Variants in CDK12 observed in about 807,000 individuals in gnomAD.
CDK12 encodes cyclin dependent kinase 12, also known as cyclin-dependent kinase 12.
CDK12 carries 17 observed loss-of-function variants against 133.8 expected under a neutral mutation model. That is an observed-to-expected ratio of 0.13 (90% CI 0.09 to 0.19). The LOEUF is 0.19. Ranked by LOEUF, CDK12 falls within the 10% of genes least tolerant of loss-of-function variation. The probability of loss-of-function intolerance (pLI) is 1.00; values close to 1 mark genes in which losing one functional copy is unlikely to be tolerated. For missense variants in CDK12, 1,508 were observed against 1,818.7 expected, an observed-to-expected ratio of 0.83 and a Z score of 3.11; for synonymous variants, 694 against 683.6, an observed-to-expected ratio of 1.02 and a Z score of -0.24.
chr17:39,462,577 G>A lies in CDK12; in HGVS notation c.506G>A (p.Ser169Asn). The change falls in exon 1 of 14, where the codon AGC (serine) becomes AAC (asparagine). Residue 169 changes from serine to asparagine, a missense_variant. By Grantham distance (46) the Ser-to-Asn change is conservative (BLOSUM62 1). Transcript: ENST00000447079. ...TATGGGAAGGCGCAGGTAGCCAAAAGCAGCAGCAAGGAATCCAGGTCATCC... is the reference window on the plus strand; with the variant it reads ...TATGGGAAGGCGCAGGTAGCCAAAAACAGCAGCAAGGAATCCAGGTCATCC... ...DDYGKAQVAK[S>N]SSKESRSSKL... 1 of 1,614,148 alleles carries A rather than the reference G, an allele frequency of 6.2e-7. No individual in the cohort carries two copies. Among genetic ancestry groups the A allele is most frequent in the South Asian group, 1.1e-5 (1 of 91,088 alleles).
chr17:39,561,279 T>C (rs2056364497), intron 3 of CDK12, among the ~76,000 whole-genome samples: 1 of 152,214 alleles, frequency 6.6e-6, no homozygotes, highest in South Asian at 2.1e-4. Context: ...GTGAGCTCTC[T>C]ATTCTGAGGG....
In CDK12 at chr17:39,493,166, G is replaced by GT. The variant is rs201228796; in HGVS notation, c.2248+292dup. On this transcript the variant is annotated intron_variant, in intron 4 of 13. Transcript: ENST00000447079. ...GCGCAACCACACTCGACTAATTTTT[G>GT]TTTTTTTTTTTTTTTTAGTAGAAAC... Among the ~76,000 whole-genome samples, 786 of 132,468 alleles carry GT rather than the reference G, an allele frequency of 5.9e-3. 22 individuals carry two copies. Among genetic ancestry groups the GT allele is most frequent in the East Asian group, 0.025 (111 of 4,452 alleles). The allele number at this position is 132,468 out of a possible 152,430, so 86.9% of individuals were successfully genotyped here.
At chr17:39,564,232 C>G (rs562816701) in intron 3 of CDK12, among the ~76,000 whole-genome samples, 2 of 152,284 alleles carry the variant, frequency 1.3e-5, no homozygotes, top group Admixed American at 1.3e-4. Flanking sequence ...GCACTACCCC[C>G]CAACCTTTCT....
intron 2 of CDK12, among the ~76,000 whole-genome samples, chr17:39,555,450 G>A (rs2144377043): frequency 6.6e-6 from 1 of 151,756 alleles, no homozygotes; most frequent in East Asian, 2.0e-4. Flanking sequence ...GATGGCTTTG[G>A]TTAGAAAAAG....
At chr17:39,510,112 C>T (rs969886037) in intron 7 of CDK12, among the ~76,000 whole-genome samples, 4 of 143,502 alleles carry the variant, frequency 2.8e-5, no homozygotes, top group Admixed American at 1.4e-4. Flanking sequence ...AACAATCTCT[C>T]TCTTTTTTTT....
chr17:39,538,254 G>A (rs1012697334), downstream of CDK12, among the ~76,000 whole-genome samples: 3 of 152,232 alleles, frequency 2.0e-5, no homozygotes, highest in African/African-American at 7.2e-5. Flanking sequence ...CAAAACTCCT[G>A]CAAGTGGTTT....
chr17:39,488,535 G>T (rs941530638), intron 2 of CDK12, among the ~76,000 whole-genome samples: 1 of 151,632 alleles, frequency 6.6e-6, no homozygotes, highest in South Asian at 2.1e-4. Context: ...AAATATCTTC[G>T]GCAATTTATA....
chr17:39,471,650 G>A lies in CDK12; in HGVS notation c.1818G>A (p.Gln606=). ...SSQANSQPPV[Q]VSVKTQVSVT... is the part of the protein sequence containing the mutation. ...AGGCAAATTCTCAGCCCCCTGTACA[G>A]GTTTCTGTGAAGACTCAAGTATCTG... The change falls in exon 2 of 14, where the codon CAG becomes CAA. Residue 606 remains glutamine (Q), a synonymous_variant. Transcript: ENST00000447079. 2 of 1,614,098 alleles carry A rather than the reference G, an allele frequency of 1.2e-6. No homozygotes were observed. Among genetic ancestry groups the A allele is most frequent in the Non-Finnish European group, 1.7e-6 (2 of 1,180,010 alleles).
At chr17:39,492,977 C>A in intron 4 of CDK12, 87 bp downstream of exon 4, 1 of 1,186,948 alleles carries the variant, frequency 8.4e-7, no homozygotes, top group Non-Finnish European at 1.2e-6. Context: ...AAAGTAAATT[C>A]TGAGGTGTTT....
chr17:39,524,801 A>G lies in CDK12; in HGVS notation c.3223A>G (p.Ser1075Gly), dbSNP rs1336513968. The G allele has an allele frequency of 3.7e-6, 6 of 1,614,240 alleles. No homozygotes were observed. Among genetic ancestry groups the G allele is most frequent in the Middle Eastern group, 3.3e-4 (2 of 6,062 alleles). Residue 1075 changes from serine to glycine, a missense_variant, in exon 12 of 14, where the codon AGT becomes GGT. Around this residue, in one of 9 missense-constraint regions of CDK12, gnomAD observed 399 missense variants for 469.6 expected, o/e 0.85. Coordinates refer to ENST00000447079, the MANE Select transcript of CDK12 (RefSeq NM_016507.4). ...TCGAAAAGAAACTACCTCAGGGACAAGTACTGAGCCTGTGAAGAACAGCAG... is the reference window on the plus strand; with the variant it reads ...TCGAAAAGAAACTACCTCAGGGACAGGTACTGAGCCTGTGAAGAACAGCAG... ...TSRKETTSGT[S>G]TEPVKNSSPA...
chr17:39,531,293 A>AG lies in CDK12; in HGVS notation c.4451dup (p.Gly1485ArgfsTer28). On this transcript the variant is annotated frameshift_variant, in exon 14 of 14. Coordinates refer to ENST00000447079, the MANE Select transcript of CDK12 (RefSeq NM_016507.4). LOFTEE classifies it high-confidence loss of function. ...TACAAGAGTCCCACCAAGAGGGGGA[A>AG]GAGGGAGAGGAGTTCCTTACTAACC... 1 of 1,494,102 alleles carries AG rather than the reference A, an allele frequency of 6.7e-7. No individual in the cohort carries two copies. 92.6% of individuals were successfully genotyped at this position (1,494,102 alleles called of 1,614,324 possible). A position where few individuals can be genotyped will look rare whatever the true frequency, so the allele number is the denominator to read the frequency against.
Position 39,517,535 on chromosome 17 carries a change from G to A in CDK12, c.2942G>A (p.Arg981His), listed in dbSNP as rs1220664561. 7.5e-6 allele frequency: 12 copies of A among 1,603,272 alleles called. No homozygotes were observed. Among genetic ancestry groups the A allele is most frequent in the Non-Finnish European group, 1.0e-5 (12 of 1,170,236 alleles). Reference protein sequence around the residue: ...TMKPKKQYRRRLREEFSFIPS... With the variant: ...TMKPKKQYRRHLREEFSFIPS... ...AAACCGAAGAAGCAATATCGAAGGC[G>A]TCTACGAGAAGAATTCTCTTTGTGA... The change falls in exon 10 of 14, where the codon CGT becomes CAT. Residue 981 changes from arginine (R) to histidine (H), a missense_variant. Transcript: ENST00000447079.
chr17:39,491,825 A>C (rs1300728864), intron 3 of CDK12, among the ~76,000 whole-genome samples: 1 of 150,808 alleles, frequency 6.6e-6, no homozygotes. Context: ...TTTAGTAAAA[A>C]ATGTATAAAA....
Position 39,511,605 on chromosome 17 carries a change from C to A in CDK12, c.2743C>A (p.Pro915Thr). The A allele has an allele frequency of 6.2e-7, 1 of 1,611,782 alleles. No individual in the cohort carries two copies. Residue 915 changes from proline (P) to threonine (T), a missense_variant, in exon 8 of 14, where the codon CCA becomes ACA. Pro to Thr is a conservative substitution (Grantham distance 38, BLOSUM62 -1). Transcript: ENST00000447079. ...ACTGCTAGGAGAGGAACGTTACACA[C>A]CAGCCATAGATGTTTGGAGCTGTGG... ...ELLLGEERYT[P>T]AIDVWSCGCI... is the part of the protein sequence containing the mutation.
chr17:39,498,945 T>C (rs1485647839), intron 5 of CDK12, among the ~76,000 whole-genome samples: 1 of 34 alleles, frequency 0.029, no homozygotes. Context: ...CTTTCTTTCT[T>C]TCTTTCTTTC....
intron 4 of CDK12, among the ~76,000 whole-genome samples, chr17:39,493,166 GTT>G (rs201228796): frequency 1.5e-5 from 2 of 132,512 alleles, no homozygotes; most frequent in African/African-American, 2.9e-5. Context: ...ACTAATTTTT[GTT>G]TTTTTTTTTT....
At chr17:39,497,881 G>A (rs577071000) in intron 5 of CDK12, among the ~76,000 whole-genome samples, 61 of 151,782 alleles carry the variant, frequency 4.0e-4, no homozygotes, top group African/African-American at 1.4e-3. Flanking sequence ...CTGGGATTAC[G>A]AACTTGGGCC....
chr17:39,515,455 T>C (rs1391617169), intron 8 of CDK12, among the ~76,000 whole-genome samples: 2 of 152,188 alleles, frequency 1.3e-5, no homozygotes, highest in Non-Finnish European at 2.9e-5. Flanking sequence ...TTTCCTTAAT[T>C]ACAATGGCAT....
At chr17:39,515,915 C>A in intron 9 of CDK12, 107 bp downstream of exon 9, 2 of 679,622 alleles carry the variant, frequency 2.9e-6, no homozygotes, top group Admixed American at 2.9e-5. Context: ...TTCTTATGTC[C>A]AAGTAAGTTT....
Sources: gnomAD v4.1 joint callset for allele counts (sites outside exome capture counted in the v4.1 genomes callset) on GRCh38, gnomAD v4.1.1 for gene constraint, gnomAD v4.1.1 regional missense constraint, MANE v1.5 for transcripts, NCBI Gene and HGNC (gene_info 2026-07-23, HGNC 2026-07-21) for gene names.